ZNF410: variants seen among roughly 807,000 people sequenced by gnomAD.
ZNF410 encodes another partner for ARF 1.
In ZNF410, 18 loss-of-function variants were observed where a neutral mutation model predicts 54.8. The ratio of observed to expected loss-of-function variants is 0.33; its 90% CI spans 0.23 to 0.49. ZNF410 has a LOEUF of 0.49. Ranked by LOEUF, ZNF410 falls within the 20% of genes least tolerant of loss-of-function variation. The probability of loss-of-function intolerance (pLI) is 0.99; values close to 1 mark genes in which losing one functional copy is unlikely to be tolerated. For missense variants in ZNF410, 405 were observed against 569.6 expected (o/e 0.71, Z 2.94); for synonymous variants, 191 against 207.3 (o/e 0.92, Z 0.68).
In ZNF410 at chr14:73,905,944, TACACACACAC is replaced by T. The variant is rs869151597; in HGVS notation, c.913+877_913+886del. On this transcript the variant is annotated intron_variant, in intron 7 of 11. Coordinates refer to ENST00000555044, the MANE Select transcript of ZNF410 (RefSeq NM_021188.3). ...ATATATACACATACATACATATATA[TACACACACAC>T]ACACACACACACACATATATATATA... Among the ~76,000 whole-genome samples, 5 of 76,476 alleles carry T rather than the reference TACACACACAC, an allele frequency of 6.5e-5. No individual in the cohort carries two copies. In the Admixed American group the frequency reaches 8.3e-4, roughly 13 times the overall value. 50.2% of individuals were successfully genotyped at this position (76,476 alleles called of 152,430 possible). A position where few individuals can be genotyped will look rare whatever the true frequency, so the allele number is the denominator to read the frequency against.
Position 73,909,377 on chromosome 14 carries a change from G to A in ZNF410, c.950G>A (p.Gly317Asp). Residue 317 changes from glycine to aspartate, a missense_variant, in exon 8 of 12, where the codon GGC becomes GAC. Gly to Asp is a moderately conservative substitution (Grantham distance 94). This residue lies in a region of ZNF410 where 31 missense variants were observed against 85.5 expected (regional missense o/e 0.36). Coordinates refer to ENST00000555044, the MANE Select transcript of ZNF410 (RefSeq NM_021188.3). The part of the protein sequence containing the change: ...KPFLCEAQGC[G>D]RSFAEYSSLR... ...TTCCTTTGTGAAGCCCAAGGATGTG[G>A]CCGTTCCTTTGCTGAGTATTCTAGC... 4 of 1,614,058 alleles carry A rather than the reference G, an allele frequency of 2.5e-6. No individual in the cohort carries two copies. The highest frequency in any genetic ancestry group is 3.4e-6 in the Non-Finnish European group (4 of 1,179,982).
intron 11 of ZNF410, chr14:73,927,860 C>T (rs994668827): frequency 4.9e-5 from 7 of 141,962 alleles, no homozygotes; most frequent in Admixed American, 7.3e-5. Context: ...ATTTTTTAGA[C>T]GGAGTCTCAC....
chr14:73,922,310 T>A, intron 10 of ZNF410, 104 bp downstream of exon 10: 2 of 1,222,414 alleles, frequency 1.6e-6, no homozygotes, highest in Non-Finnish European at 2.2e-6. Context: ...TTCTTATGAG[T>A]AGCTGTGGTA....
chr14:73,894,413 T>C (rs2055278626), intron 3 of ZNF410: 1 of 696,670 alleles, frequency 1.4e-6, no homozygotes. Flanking sequence ...GACTTGAGTA[T>C]ACATACTTGC....
intron 11 of ZNF410, chr14:73,927,832 AT>A (rs11461357): frequency 0.33 from 47,444 of 143,418 alleles, 8,747 homozygotes; most frequent in Non-Finnish European, 0.43. Context: ...TCAACCGGCA[AT>A]TTTTTTTTTT....
rs1169016869 is a variant in ZNF410 at position 73,898,794 on chromosome 14, C to T, written c.580+532C>T. On this transcript the variant is annotated intron_variant, in intron 5 of 11. Transcript: ENST00000555044. ...TGCTTTTTCTTTTCAGTTCAGCATG[C>T]CTATACTACTTACTCTGTGTCACTT... Among the ~76,000 whole-genome samples, 6 of 152,280 alleles carry T rather than the reference C, an allele frequency of 3.9e-5. No individual in the cohort carries two copies. The East Asian group carries it at 1.2e-3, about 29-fold the overall frequency.
chr14:73,924,603 C>CA, intron 11 of ZNF410: 1 of 410,546 alleles, frequency 2.4e-6, no homozygotes, highest in South Asian at 1.8e-5. Context: ...AAACTTTTGT[C>CA]AAAACCTCTG....
intron 8 of ZNF410, among the ~76,000 whole-genome samples, chr14:73,919,472 A>G (rs2055722938): frequency 6.6e-6 from 1 of 152,030 alleles, no homozygotes; most frequent in South Asian, 2.1e-4. Context: ...CCCAGTGTTT[A>G]TTGTTCCCAT....
intron 5 of ZNF410, 34 bp from the exon 6 acceptor site, chr14:73,903,926 T>C (rs1282021880): frequency 5.6e-6 from 9 of 1,613,288 alleles, no homozygotes; most frequent in Admixed American, 1.7e-5. Context: ...AGTAGGGTCT[T>C]TCCCTGGATT....
intron 3 of ZNF410, 192 bp from the exon 4 acceptor site, chr14:73,896,124 T>A (rs1289028270): frequency 1.8e-6 from 1 of 571,030 alleles, no homozygotes; most frequent in Non-Finnish European, 3.1e-6. Flanking sequence ...CCTCACGTTT[T>A]GGCTGACTGC....
Position 73,927,850 on chromosome 14 carries a change from A to ATTT in ZNF410, c.1399-3649_1399-3647dup, listed in dbSNP as rs769693607. The ATTT allele has an allele frequency of 9.2e-4, 125 of 135,222 alleles. 3 individuals are homozygous for ATTT. Among genetic ancestry groups the ATTT allele is most frequent in the East Asian group, 4.7e-3 (22 of 4,642 alleles). 8.4% of individuals were successfully genotyped at this position (135,222 alleles called of 1,614,324 possible). ...ACCGGCAATTTTTTTTTTTTTTTTA[A>ATTT]TTTTTTAGACGGAGTCTCACTCTGT... On this transcript the variant is annotated intron_variant, in intron 11 of 11. Transcript: ENST00000555044.
chr14:73,908,076 C>G (rs577954434), intron 7 of ZNF410, among the ~76,000 whole-genome samples: 20 of 152,224 alleles, frequency 1.3e-4, no homozygotes, highest in African/African-American at 4.8e-4. Context: ...ACACCTTCCC[C>G]ATGCAAATAA....
At chr14:73,909,253 A>C (rs2302136) in intron 7 of ZNF410, 88 bp from the exon 8 acceptor site, 586,369 of 1,107,392 alleles carry the variant, frequency 0.53, 156,775 homozygotes, top group South Asian at 0.62. Context: ...GTAAGTCATT[A>C]GACTCTGAAT....
At chr14:73,897,930 C>CCACT (rs1276551161) in intron 4 of ZNF410, 141 bp from the exon 5 acceptor site, 2 of 740,062 alleles carry the variant, frequency 2.7e-6, no homozygotes, top group Admixed American at 5.9e-5. Context: ...CGAGATTGCG[C>CCACT]CACTGCACTC....
At chr14:73,893,467 T>A (rs1488565069) in intron 2 of ZNF410, 1 of 213,236 alleles carries the variant, frequency 4.7e-6, no homozygotes, top group Non-Finnish European at 9.4e-6. Context: ...CTGTAGGCAG[T>A]TGAAGCACAG....
chr14:73,925,191 T>C (rs1248562909), intron 11 of ZNF410, among the ~76,000 whole-genome samples: 1 of 152,198 alleles, frequency 6.6e-6, no homozygotes, highest in East Asian at 1.9e-4. Context: ...TTTTTGATCT[T>C]GATATCATTG....
chr14:73,918,986 C>G (rs1283746852), intron 8 of ZNF410, among the ~76,000 whole-genome samples: 1 of 142,392 alleles, frequency 7.0e-6, no homozygotes, highest in Non-Finnish European at 1.5e-5. Context: ...GAGTAAGCCA[C>G]CGTGCCCGGC....
chr14:73,909,644 T>G, intron 8 of ZNF410: 2 of 472,036 alleles, frequency 4.2e-6, no homozygotes. Context: ...TCAGCTGTGT[T>G]TCTAATAAAG....
At chr14:73,924,089 C>A (rs1215542903) in intron 11 of ZNF410, among the ~76,000 whole-genome samples, 1 of 152,146 alleles carries the variant, frequency 6.6e-6, no homozygotes, top group East Asian at 1.9e-4. Context: ...ACCAAATGGG[C>A]ATATACAGAT....
Sources: gnomAD v4.1 joint callset for allele counts (sites outside exome capture counted in the v4.1 genomes callset) on GRCh38, gnomAD v4.1.1 for gene constraint, gnomAD v4.1.1 regional missense constraint, MANE v1.5 for transcripts, NCBI Gene and HGNC (gene_info 2026-07-23, HGNC 2026-07-21) for gene names.